Variants in SMARCC2 observed in about 807,000 individuals in gnomAD.
SMARCC2 encodes the protein SWI/SNF complex subunit SMARCC2.
Under a neutral mutation model 151.3 loss-of-function variants are expected in SMARCC2, and 15 were observed. The ratio of observed to expected loss-of-function variants is 0.10; its 90% CI spans 0.07 to 0.15. The LOEUF (loss-of-function observed/expected upper bound fraction) is 0.15, where lower values mean the gene tolerates loss of function less well. SMARCC2 is among the 10% of genes least tolerant of loss of function. The pLI, the probability that SMARCC2 is intolerant of heterozygous loss-of-function variation, is 1.00. For synonymous variants in SMARCC2, 590 were observed against 609.5 expected, an observed-to-expected ratio of 0.97 and a Z score of 0.47; for missense variants, 1,031 against 1,599.7, an observed-to-expected ratio of 0.64 and a Z score of 6.06.
intron 15 of SMARCC2, 63 bp from the exon 16 acceptor site, chr12:56,174,827 G>A: frequency 9.3e-7 from 1 of 1,072,594 alleles, no homozygotes; most frequent in Non-Finnish European, 1.4e-6. Flanking sequence ...AGGGCTAAAG[G>A]AAAAAATGGT....
At chr12:56,178,946 C>G in intron 12 of SMARCC2, 51 bp downstream of exon 12, 1 of 1,604,566 alleles carries the variant, frequency 6.2e-7, no homozygotes, top group Non-Finnish European at 8.5e-7. Flanking sequence ...GCAGCTGAGC[C>G]CTCCCCTTCC....
chr12:56,181,390 C>T (rs1876168209), intron 10 of SMARCC2, 92 bp downstream of exon 10: 2 of 814,092 alleles, frequency 2.5e-6, no homozygotes, highest in Non-Finnish European at 3.9e-6. Flanking sequence ...CAGGTCAGGG[C>T]CAGGTGGTTA....
In SMARCC2 at chr12:56,172,937, C is replaced by A. The variant is rs906084174; in HGVS notation, c.1743G>T (p.Leu581=). ...VPETAKGKPE[L]QTSASQQMLN... is the part of the protein sequence containing the mutation. ...CCAGCAGGGTCTGCACCCCACCTAC[C>A]AGCTCTGGCTTGCCCTTAGCCGTCT... The change falls in exon 18 of 29, where the codon CTG becomes CTT. Residue 581 remains leucine (L), a splice_region_variant and synonymous_variant. Coordinates refer to ENST00000550164, the MANE Select transcript of SMARCC2 (RefSeq NM_001330288.2). 5.0e-6 allele frequency: 8 copies of A among 1,613,058 alleles called. No homozygotes were observed. The highest frequency in any genetic ancestry group is 6.8e-6 in the Non-Finnish European group (8 of 1,179,970).
chr12:56,165,484 G>A lies in SMARCC2; in HGVS notation c.3066C>T (p.Ala1022=), dbSNP rs999601899. 6.4e-7 allele frequency: 1 copy of A among 1,574,038 alleles called. No homozygotes were observed. Among genetic ancestry groups the A allele is most frequent in the South Asian group, 1.2e-5 (1 of 84,778 alleles). The stretch of plus-strand genomic sequence containing the variant: ...TGCCAGCAGGAGCAGGGACTACAGA[G>A]GCTGGAGCCACAGCCAAGCCATGGA... ...PAVHGLAVAP[A]SVVPAPAGSG... The change falls in exon 27 of 29, where the codon GCC becomes GCT. Residue 1022 remains alanine, a synonymous_variant. Transcript: ENST00000550164.
chr12:56,177,166 G>T (rs1481442271), intron 15 of SMARCC2, among the ~76,000 whole-genome samples: 1 of 151,648 alleles, frequency 6.6e-6, no homozygotes, highest in Non-Finnish European at 1.5e-5. Flanking sequence ...GCATGGTCGC[G>T]ATCTCCTGAC....
Position 56,179,071 on chromosome 12 carries a change from A to T in SMARCC2, c.1082-15T>A. Reference sequence around the variant, plus strand: ...CTTTGTGTTGACTGCGAAAACAGAGAGTCATTTTATCAGACAGATTTTGCC... The same window carrying T: ...CTTTGTGTTGACTGCGAAAACAGAGTGTCATTTTATCAGACAGATTTTGCC... On this transcript the variant is annotated splice_polypyrimidine_tract_variant and intron_variant, in intron 11 of 28. Coordinates refer to ENST00000550164, the MANE Select transcript of SMARCC2 (RefSeq NM_001330288.2). 6.2e-7 allele frequency: 1 copy of T among 1,613,296 alleles called. No individual in the cohort carries two copies. Among genetic ancestry groups the T allele is most frequent in the Non-Finnish European group, 8.5e-7 (1 of 1,179,304 alleles).
chr12:56,173,545 A>AT (rs1874355278), intron 17 of SMARCC2, 151 bp downstream of exon 17: 2 of 690,476 alleles, frequency 2.9e-6, no homozygotes, highest in Non-Finnish European at 5.0e-6. Context: ...TGCTAAACAC[A>AT]TGGGGCTGAT....
chr12:56,171,194 G>A lies in SMARCC2; in HGVS notation c.2347+77C>T, dbSNP rs2135680897. On this transcript the variant is annotated intron_variant, in intron 22 of 28. Transcript: ENST00000550164. This position sits in a 1 kb window ranked among gnomAD's most constrained non-coding sequence, Gnocchi z 4.2. ...ATGTTGTGCTCTAATGCCAACTTGA[G>A]GCAGAAATGGCACAGGAGGCCAGGT... 1.4e-6 allele frequency: 2 copies of A among 1,450,870 alleles called. No individual in the cohort carries two copies. The highest frequency in any genetic ancestry group is 1.9e-6 in the Non-Finnish European group (2 of 1,039,862). The allele number at this position is 1,450,870 out of a possible 1,614,324, so 89.9% of individuals were successfully genotyped here. A position where few individuals can be genotyped will look rare whatever the true frequency, so the allele number is the denominator to read the frequency against.
At chr12:56,180,156 T>G (rs1875875905) in intron 11 of SMARCC2, among the ~76,000 whole-genome samples, 1 of 152,050 alleles carries the variant, frequency 6.6e-6, no homozygotes, top group Non-Finnish European at 1.5e-5. Flanking sequence ...TTGCCCAGGC[T>G]GGAGTGCAGT....
intron 11 of SMARCC2, among the ~76,000 whole-genome samples, 167 bp downstream of exon 11, chr12:56,180,810 G>A (rs1876050110): frequency 6.6e-6 from 1 of 152,200 alleles, no homozygotes; most frequent in Admixed American, 6.6e-5. Context: ...TATACAGTTA[G>A]AGGATTTTCC....
intron 15 of SMARCC2, 62 bp from the exon 16 acceptor site, chr12:56,174,826 G>T (rs923405060): frequency 9.3e-7 from 1 of 1,073,868 alleles, no homozygotes; most frequent in Non-Finnish European, 1.4e-6. Flanking sequence ...AAGGGCTAAA[G>T]GAAAAAATGG....
rs527377026 is a variant in SMARCC2, at chr12:56,164,833, G to C, written c.3233-102C>G. 43 of 1,016,818 alleles carry C rather than the reference G, an allele frequency of 4.2e-5. 1 individual carries two copies. The highest frequency in any genetic ancestry group is 6.1e-5 in the Non-Finnish European group (43 of 704,800). 63.0% of individuals were successfully genotyped at this position (1,016,818 alleles called of 1,614,324 possible). A position where few individuals can be genotyped will look rare whatever the true frequency, so the allele number is the denominator to read the frequency against. On this transcript the variant is annotated intron_variant, in intron 27 of 28. Coordinates refer to ENST00000550164, the MANE Select transcript of SMARCC2 (RefSeq NM_001330288.2). ...TAGACGGAGTCTCACTCTGTCACCA[G>C]GCTGGAGTGCAGTGGCACGATCTTG...
Position 56,171,923 on chromosome 12 carries a change from G to A in SMARCC2, c.1941C>T (p.Tyr647=). 6.2e-7 allele frequency: 1 copy of A among 1,606,730 alleles called. No individual in the cohort carries two copies. Among genetic ancestry groups the A allele is most frequent in the Non-Finnish European group, 8.5e-7 (1 of 1,175,730 alleles). The change falls in exon 21 of 29, where the codon TAC becomes TAT. Residue 647 remains tyrosine, a synonymous_variant. Coordinates refer to ENST00000550164, the MANE Select transcript of SMARCC2 (RefSeq NM_001330288.2). The surrounding 1 kb of genome is among the most constrained non-coding windows in gnomAD (Gnocchi z 4.2). ...CGGACACTTTGTTCCAGTCATCTTT[G>A]TACATTTCCAGTGCCTGGTGGTAGT... is the stretch of plus-strand genomic sequence containing the variant. ...TLLLLEALEM[Y]KDDWNKVSEH... is the part of the protein sequence containing the mutation.
chr12:56,178,234 G>C, intron 14 of SMARCC2, 141 bp from the exon 15 acceptor site: 1 of 920,434 alleles, frequency 1.1e-6, no homozygotes, highest in South Asian at 1.6e-5. Flanking sequence ...ACATCCCACA[G>C]GCTGTAAGAC....
chr12:56,165,606 A>T lies in SMARCC2; in HGVS notation c.2944T>A (p.Phe982Ile). 6.2e-7 allele frequency: 1 copy of T among 1,613,780 alleles called. No individual in the cohort carries two copies. Among genetic ancestry groups the T allele is most frequent in the Non-Finnish European group, 8.5e-7 (1 of 1,180,010 alleles). ...TGCTGCTGTTGGTGCATCTGTTGGA[A>T]GTGCTGCTGCCGAGCCCTCATCTCC... ...YAEMRARQQH[F>I]QQMHQQQQQP... Residue 982 changes from phenylalanine (F) to isoleucine (I), a missense_variant, in exon 27 of 29, where the codon TTC becomes ATC. Physicochemically the swap from Phe to Ile is conservative, Grantham distance 21 (BLOSUM62 0). Around this residue, in one of 12 missense-constraint regions of SMARCC2, gnomAD observed 49 missense variants for 134.8 expected, o/e 0.36. Coordinates refer to ENST00000550164, the MANE Select transcript of SMARCC2 (RefSeq NM_001330288.2).
At chr12:56,177,240 A>G (rs921336756) in intron 15 of SMARCC2, among the ~76,000 whole-genome samples, 1 of 151,988 alleles carries the variant, frequency 6.6e-6, no homozygotes, top group African/African-American at 2.4e-5. Context: ...CACCACACCC[A>G]GCCTTGTTCA....
chr12:56,173,146 T>C (rs375803448), intron 17 of SMARCC2, 117 bp from the exon 18 acceptor site: 4 of 745,796 alleles, frequency 5.4e-6, no homozygotes, highest in Middle Eastern at 2.7e-4. Flanking sequence ...CTCATGCCAC[T>C]GTTCCATGTT....
chr12:56,178,725 G>C, intron 13 of SMARCC2, 85 bp downstream of exon 13: 1 of 1,494,136 alleles, frequency 6.7e-7, no homozygotes, highest in Non-Finnish European at 9.3e-7. Context: ...TAAAGTCTGG[G>C]CAGTGAAAAG....
intron 5 of SMARCC2, 192 bp from the exon 6 acceptor site, chr12:56,184,436 G>C (rs1876846332): frequency 1.7e-6 from 1 of 581,528 alleles, no homozygotes; most frequent in African/African-American, 1.9e-5. Context: ...AAAAGTCAAA[G>C]AATTAAAAAT....
Sources: gnomAD v4.1 joint callset for allele counts (sites outside exome capture counted in the v4.1 genomes callset) on GRCh38, gnomAD v4.1.1 for gene constraint, gnomAD v4.1.1 regional missense constraint, Gnocchi (gnomAD v3.1) non-coding constraint, MANE v1.5 for transcripts, NCBI Gene and HGNC (gene_info 2026-07-23, HGNC 2026-07-21) for gene names.